The following TSPAN15 variants were observed in gnomAD, a reference collection of about 807,000 sequenced individuals.
TSPAN15 encodes tetraspanin-15.
Under a neutral mutation model 34.5 loss-of-function variants are expected in TSPAN15, and 20 were observed. That is an observed-to-expected ratio of 0.58 (90% CI 0.41 to 0.84). TSPAN15 has a LOEUF of 0.84. Among genes scored for constraint, TSPAN15 ranks in the 40% least tolerant of loss-of-function variants. The pLI, the probability that TSPAN15 is intolerant of heterozygous loss-of-function variation, is 0.00. For synonymous variants in TSPAN15, 155 were observed against 153.9 expected (o/e 1.01, Z -0.05); for missense variants, 313 against 386.1 (o/e 0.81, Z 1.59).
chr10:69,501,738 C>T (rs79536615), intron 5 of TSPAN15, among the ~76,000 whole-genome samples: 8,827 of 152,214 alleles, frequency 0.058, 326 homozygotes, highest in South Asian at 0.11. Flanking sequence ...GAACCAGTAC[C>T]GGTCAGTGGC....
chr10:69,456,779 T>G (rs913049447), intron 1 of TSPAN15, among the ~76,000 whole-genome samples: 1 of 152,200 alleles, frequency 6.6e-6, no homozygotes, highest in African/African-American at 2.4e-5. Flanking sequence ...CGAAAGGGCA[T>G]TGAACGAGGA....
intron 5 of TSPAN15, among the ~76,000 whole-genome samples, chr10:69,499,986 C>G (rs1382417595): frequency 6.6e-6 from 1 of 152,048 alleles, no homozygotes; most frequent in African/African-American, 2.4e-5. Context: ...GTGGGGCACC[C>G]TTGAGTGATG....
the TSPAN15 span, among the ~76,000 whole-genome samples, chr10:69,542,535 G>A: frequency 5.0e-4 from 76 of 152,342 alleles, no homozygotes; most frequent in African/African-American, 1.8e-3. Flanking sequence ...GAAGGAAAGA[G>A]GTTTAATTGA....
At chr10:69,504,700 A>G (rs994482221) in intron 6 of TSPAN15, among the ~76,000 whole-genome samples, 9 of 152,162 alleles carry the variant, frequency 5.9e-5, no homozygotes, top group South Asian at 4.1e-4. Context: ...GCCGCCTGTC[A>G]GGGTTTGCCG....
At chr10:69,494,714 C>T (rs1476877092) in intron 3 of TSPAN15, 13 of 985,274 alleles carry the variant, frequency 1.3e-5, no homozygotes, top group Non-Finnish European at 1.6e-5. Flanking sequence ...GTGCCACCCC[C>T]GGGAATTGTC....
At chr10:69,503,523 C>T (rs937650789) in intron 5 of TSPAN15, among the ~76,000 whole-genome samples, 12 of 152,272 alleles carry the variant, frequency 7.9e-5, no homozygotes, top group African/African-American at 2.9e-4. Context: ...CGTGCCAGTT[C>T]CTTAGCAGCC....
At chr10:69,462,912 A>G (rs1841301544) in intron 1 of TSPAN15, among the ~76,000 whole-genome samples, 1 of 152,050 alleles carries the variant, frequency 6.6e-6, no homozygotes, top group Admixed American at 6.6e-5. Context: ...GTGCAGGGGG[A>G]GTCAGTAGGG....
the TSPAN15 span, among the ~76,000 whole-genome samples, chr10:69,533,546 T>C: frequency 2.0e-5 from 3 of 151,954 alleles, no homozygotes; most frequent in Non-Finnish European, 2.9e-5. Flanking sequence ...GAATAAAAGA[T>C]TACAAATAGG....
intron 5 of TSPAN15, among the ~76,000 whole-genome samples, chr10:69,503,924 G>A (rs941864476): frequency 6.6e-6 from 1 of 152,192 alleles, no homozygotes; most frequent in African/African-American, 2.4e-5. Context: ...TCCCAAGAAG[G>A]AAGTTTTGGC....
At chr10:69,479,518 G>A (rs558540390) in intron 1 of TSPAN15, among the ~76,000 whole-genome samples, 87 of 152,314 alleles carry the variant, frequency 5.7e-4, no homozygotes, top group African/African-American at 2.0e-3. Flanking sequence ...GGGCATGGCC[G>A]TGTGCCCCCC....
chr10:69,469,386 G>C (rs1841458649), intron 1 of TSPAN15, among the ~76,000 whole-genome samples: 1 of 152,162 alleles, frequency 6.6e-6, no homozygotes, highest in Non-Finnish European at 1.5e-5. Context: ...GGGGTTGTGG[G>C]AACCCCTGAC....
intron 1 of TSPAN15, among the ~76,000 whole-genome samples, chr10:69,458,130 G>A (rs1053270963): frequency 2.0e-5 from 3 of 152,158 alleles, no homozygotes; most frequent in Admixed American, 2.0e-4. Context: ...CGCCATGTAT[G>A]TTTCTCCCTG....
At chr10:69,516,745 T>G in the TSPAN15 span, among the ~76,000 whole-genome samples, 1 of 152,162 alleles carries the variant, frequency 6.6e-6, no homozygotes. Flanking sequence ...TAAACTGCAA[T>G]CACTGAGGGT....
chr10:69,462,977 A>G (rs1340786604), intron 1 of TSPAN15, among the ~76,000 whole-genome samples: 1 of 152,030 alleles, frequency 6.6e-6, no homozygotes, highest in Non-Finnish European at 1.5e-5. Flanking sequence ...CTGGCCTGGG[A>G]ATGTGGGAGA....
the TSPAN15 span, among the ~76,000 whole-genome samples, chr10:69,536,985 GA>G: frequency 0.16 from 17,928 of 109,242 alleles, 1,162 homozygotes; most frequent in East Asian, 0.22. Context: ...ACTACATCTT[GA>G]AAAAAAAAAA....
At chr10:69,508,457 AAAAAAAAAAAAAAG>A (rs1842380704), downstream of TSPAN15, among the ~76,000 whole-genome samples, 2 of 145,238 alleles carry the variant, frequency 1.4e-5, no homozygotes, top group African/African-American at 2.5e-5. Flanking sequence ...AAAAAAAAAA[AAAAAAAAAAAAAAG>A]AAGAAGAAAT....
At chr10:69,541,309 C>A in the TSPAN15 span, among the ~76,000 whole-genome samples, 28,910 of 152,068 alleles carry the variant, frequency 0.19, 3,028 homozygotes, top group East Asian at 0.31. Flanking sequence ...ATCAGCATGA[C>A]CTGGATGTAA....
the TSPAN15 span, among the ~76,000 whole-genome samples, chr10:69,516,526 C>T: frequency 6.6e-6 from 1 of 152,108 alleles, no homozygotes; most frequent in African/African-American, 2.4e-5. Flanking sequence ...ACTTAGATGC[C>T]AGAATGAGAA....
chr10:69,531,914 A>AAAACAAAC, the TSPAN15 span, among the ~76,000 whole-genome samples: 1 of 149,846 alleles, frequency 6.7e-6, no homozygotes, highest in Non-Finnish European at 1.5e-5. Flanking sequence ...ACATAGCTGC[A>AAAACAAAC]AAACAAACAA....
Sources: gnomAD v4.1 joint callset for allele counts (sites outside exome capture counted in the v4.1 genomes callset) on GRCh38, gnomAD v4.1.1 for gene constraint, MANE v1.5 for transcripts, NCBI Gene and HGNC (gene_info 2026-07-23, HGNC 2026-07-21) for gene names.